LHPP: variants seen among roughly 807,000 people sequenced by gnomAD.
The protein encoded by LHPP is hLHPP.
LHPP carries 24 observed loss-of-function variants against 30.3 expected under a neutral mutation model. The observed-to-expected ratio is 0.79, with a 90% CI of 0.57 to 1.11. The LOEUF is 1.11. Ranked by LOEUF, LHPP falls within the 50% of genes most tolerant of loss-of-function variation. LHPP has a pLI of 0.00. For missense variants in LHPP, 356 were observed against 367.2 expected, an observed-to-expected ratio of 0.97 and a Z score of 0.25; for synonymous variants, 150 against 157.1, an observed-to-expected ratio of 0.95 and a Z score of 0.34.
intron 6 of LHPP, among the ~76,000 whole-genome samples, chr10:124,553,449 CTTTTTTTTTT>C (rs35840555): frequency 1.1e-4 from 7 of 61,634 alleles, no homozygotes; most frequent in African/African-American, 3.0e-4. Flanking sequence ...TACAGCCATT[CTTTTTTTTTT>C]TTTTTTTTTT....
chr10:124,472,800 C>T (rs548057230), intron 1 of LHPP, among the ~76,000 whole-genome samples: 6 of 152,254 alleles, frequency 3.9e-5, no homozygotes, highest in Admixed American at 3.3e-4. Context: ...TCAGGTGATC[C>T]GCCCGCCTCA....
At chr10:124,513,933 G>A (rs1954383664) in intron 5 of LHPP, among the ~76,000 whole-genome samples, 1 of 152,172 alleles carries the variant, frequency 6.6e-6, no homozygotes, top group African/African-American at 2.4e-5. Flanking sequence ...CCAATGGGAA[G>A]TCTTGTTTGC....
Position 124,484,069 on chromosome 10 carries a change from C to T in LHPP, c.126-70C>T, listed in dbSNP as rs535646268. On this transcript the variant is annotated intron_variant, in intron 1 of 6. Transcript: ENST00000368842. Reference sequence around the variant, plus strand: ...TTGCTGGATGCCCTTCGAGAATCACCGCGCAACCTCCTTCAGAGGCCCAAC... The same window carrying T: ...TTGCTGGATGCCCTTCGAGAATCACTGCGCAACCTCCTTCAGAGGCCCAAC... 5.4e-5 allele frequency: 80 copies of T among 1,472,558 alleles called. No individual in the cohort carries two copies. The East Asian group carries it at 6.7e-4, about 12-fold the overall frequency. 91.2% of individuals were successfully genotyped at this position (1,472,558 alleles called of 1,614,324 possible).
At chr10:124,511,556 T>G (rs1954296741) in intron 5 of LHPP, among the ~76,000 whole-genome samples, 1 of 152,164 alleles carries the variant, frequency 6.6e-6, no homozygotes, top group Non-Finnish European at 1.5e-5. Context: ...CTCAGCCACC[T>G]CCTCCGAGCT....
chr10:124,489,850 A>G, intron 3 of LHPP: 1 of 218,648 alleles, frequency 4.6e-6, no homozygotes. Flanking sequence ...CATGTCCACG[A>G]CCAAATACGC....
At position 124,529,270 on chromosome 10, in the gene LHPP, C is replaced by T. The variant is rs572547671; in HGVS notation, c.716+11999C>T. ...CAGGATGGTCTCAATCTCCTGACCT[C>T]GTGATCTGCCCACCTCGGCCTCCCA... On this transcript the variant is annotated intron_variant, in intron 6 of 6. Transcript: ENST00000368842. Among the ~76,000 whole-genome samples, 30 of 151,906 alleles carry T rather than the reference C, an allele frequency of 2.0e-4. 1 individual carries two copies. The South Asian group carries it at 5.6e-3, about 28-fold the overall frequency.
rs1054524983 is a variant in LHPP, at chr10:124,496,375, C to T, written c.468-586C>T. On this transcript the variant is annotated intron_variant, in intron 3 of 6. Transcript: ENST00000368842. This position sits in a 1 kb window ranked among gnomAD's most constrained non-coding sequence, Gnocchi z 4.3. ...CCATTTTGAGAGAGGAATGCTCCCT[C>T]GTGCAGAGCCTGTCTCCACCTCCAT... is the stretch of plus-strand genomic sequence containing the variant. Among the ~76,000 whole-genome samples, 1 of 152,166 alleles carries T rather than the reference C, an allele frequency of 6.6e-6. No homozygotes were observed. The highest frequency in any genetic ancestry group is 1.9e-4 in the East Asian group (1 of 5,180).
chr10:124,498,654 C>CT, intron 5 of LHPP: 3 of 467,528 alleles, frequency 6.4e-6, no homozygotes, highest in Admixed American at 3.0e-5. Flanking sequence ...GTTTTCTTTT[C>CT]TTTTTCTTTT....
chr10:124,546,668 C>T (rs1001907036), intron 6 of LHPP, among the ~76,000 whole-genome samples: 1 of 151,938 alleles, frequency 6.6e-6, no homozygotes, highest in Non-Finnish European at 1.5e-5. Flanking sequence ...CCTCAGCCTC[C>T]CAAAGTGCTG....
intron 1 of LHPP, among the ~76,000 whole-genome samples, chr10:124,472,661 C>T (rs1431449393): frequency 8.6e-5 from 13 of 151,678 alleles, no homozygotes; most frequent in Admixed American, 5.9e-4. Context: ...CGGGTTCAAG[C>T]GATTCTCCTC....
At chr10:124,567,356 C>T (rs955326708) in intron 6 of LHPP, among the ~76,000 whole-genome samples, 4 of 152,224 alleles carry the variant, frequency 2.6e-5, no homozygotes, top group Admixed American at 6.5e-5. Flanking sequence ...ACCAGGGCTG[C>T]GGGCATCATA....
At chr10:124,481,397 G>A (rs1199622389) in intron 1 of LHPP, among the ~76,000 whole-genome samples, 1 of 59,494 alleles carries the variant, frequency 1.7e-5, no homozygotes, top group African/African-American at 4.6e-5. Flanking sequence ...TTTTTTTTGC[G>A]ACAGAGTCTC....
chr10:124,463,402 G>C (rs2674333), intron 1 of LHPP, among the ~76,000 whole-genome samples: 1 of 151,014 alleles, frequency 6.6e-6, no homozygotes, highest in Non-Finnish European at 1.5e-5. Context: ...TGCTCTTGTT[G>C]CCCAGGCCGG....
rs1228988859 is a variant in LHPP, at chr10:124,473,034, GT to G, written c.125+11050del. Among the ~76,000 whole-genome samples the G allele has an allele frequency of 7.4e-3, 1,122 of 152,296 alleles. 11 individuals carry two copies. Among genetic ancestry groups the G allele is most frequent in the African/African-American group, 0.024 (1,017 of 41,552 alleles). ...TGGCAGGAGTAAGGTCTGCTTCTCA[GT>G]TTCTGATCTCAGCCTTGGTGGGCGG... On this transcript the variant is annotated intron_variant, in intron 1 of 6. Coordinates refer to ENST00000368842, the MANE Select transcript of LHPP (RefSeq NM_022126.4).
chr10:124,465,004 T>C (rs1217497380), intron 1 of LHPP, among the ~76,000 whole-genome samples: 1 of 151,990 alleles, frequency 6.6e-6, no homozygotes, highest in Admixed American at 6.6e-5. Context: ...GGCACACAGG[T>C]AAATCATCCT....
At chr10:124,578,950 A>G (rs935089234) in intron 6 of LHPP, among the ~76,000 whole-genome samples, 8 of 105,816 alleles carry the variant, frequency 7.6e-5, no homozygotes, top group Non-Finnish European at 1.5e-4. Context: ...TCCCAGGGGC[A>G]GGATAGCACG....
At chr10:124,468,333 A>T (rs1952621088) in intron 1 of LHPP, among the ~76,000 whole-genome samples, 1 of 152,146 alleles carries the variant, frequency 6.6e-6, no homozygotes, top group African/African-American at 2.4e-5. Context: ...TATACATCTA[A>T]CAGCAATGTA....
chr10:124,536,477 A>G (rs777372960), intron 6 of LHPP, among the ~76,000 whole-genome samples: 3 of 152,160 alleles, frequency 2.0e-5, no homozygotes, highest in Non-Finnish European at 4.4e-5. Context: ...ACCCTGAGAA[A>G]GCCCCCAGCC....
intron 6 of LHPP, among the ~76,000 whole-genome samples, chr10:124,537,852 A>C (rs1213506236): frequency 6.6e-6 from 1 of 152,194 alleles, no homozygotes; most frequent in East Asian, 1.9e-4. Context: ...CCCCGTTATG[A>C]ATGTGTGTGG....
Sources: gnomAD v4.1 joint callset for allele counts (sites outside exome capture counted in the v4.1 genomes callset) on GRCh38, gnomAD v4.1.1 for gene constraint, Gnocchi (gnomAD v3.1) non-coding constraint, MANE v1.5 for transcripts, NCBI Gene and HGNC (gene_info 2026-07-23, HGNC 2026-07-21) for gene names.